Variants in R3HCC1L observed in about 807,000 individuals in gnomAD.
R3HCC1L encodes coiled-coil domain-containing protein R3HCC1L.
A neutral mutation model predicts 59.9 loss-of-function variants in R3HCC1L; 51 were observed. The observed-to-expected ratio is 0.85, with a 90% CI of 0.68 to 1.07. The LOEUF (loss-of-function observed/expected upper bound fraction) is 1.07, where lower values mean the gene tolerates loss of function less well. Ranked by LOEUF, R3HCC1L falls within the 50% of genes least tolerant of loss-of-function variation. The pLI, the probability that R3HCC1L is intolerant of heterozygous loss-of-function variation, is 0.00. For synonymous variants in R3HCC1L, 322 were observed against 315.2 expected (o/e 1.02, Z -0.23); for missense variants, 965 against 933.0 (o/e 1.03, Z -0.45).
chr10:98,191,319 T>G (rs1013209527), intron 4 of R3HCC1L, among the ~76,000 whole-genome samples: 1 of 152,164 alleles, frequency 6.6e-6, no homozygotes, highest in Admixed American at 6.5e-5. Flanking sequence ...GCATCTGTTG[T>G]TTTCTGACTT....
At chr10:98,186,415 G>A in intron 4 of R3HCC1L, 1 of 705,584 alleles carries the variant, frequency 1.4e-6, no homozygotes, top group Non-Finnish European at 1.7e-6. Flanking sequence ...GCTGTTCCAT[G>A]TAGAGAGACA....
At chr10:98,196,792 T>C (rs1851480656) in intron 4 of R3HCC1L, among the ~76,000 whole-genome samples, 1 of 152,168 alleles carries the variant, frequency 6.6e-6, no homozygotes, top group South Asian at 2.1e-4. Context: ...TTAGCAAAAG[T>C]AAGTCAGATC....
At chr10:98,184,759 G>A (rs1173566910) in intron 4 of R3HCC1L, among the ~76,000 whole-genome samples, 1 of 152,076 alleles carries the variant, frequency 6.6e-6, no homozygotes, top group African/African-American at 2.4e-5. Flanking sequence ...CAAGTATGGG[G>A]CTTTTTCAGA....
At chr10:98,219,475 G>T (rs1854616639) in intron 5 of R3HCC1L, among the ~76,000 whole-genome samples, 1 of 152,088 alleles carries the variant, frequency 6.6e-6, no homozygotes, top group Admixed American at 6.6e-5. Context: ...ACTTATTCCT[G>T]TCATTTTATT....
intron 5 of R3HCC1L, chr10:98,231,051 A>T (rs1355961363): frequency 2.4e-6 from 1 of 423,250 alleles, no homozygotes; most frequent in African/African-American, 2.1e-5. Flanking sequence ...GAAGTAAAAA[A>T]GTTTTTTTGA....
intron 5 of R3HCC1L, among the ~76,000 whole-genome samples, chr10:98,228,281 G>A (rs1855916892): frequency 6.6e-6 from 1 of 152,166 alleles, no homozygotes; most frequent in Non-Finnish European, 1.5e-5. Flanking sequence ...CATTCTAACT[G>A]GTGTGAGATG....
At chr10:98,227,553 G>A (rs1460570841) in intron 5 of R3HCC1L, among the ~76,000 whole-genome samples, 1 of 149,880 alleles carries the variant, frequency 6.7e-6, no homozygotes, top group African/African-American at 2.5e-5. Flanking sequence ...GGATCTGGTG[G>A]CTTTGGGTCA....
chr10:98,209,237 G>T lies in R3HCC1L; in HGVS notation c.1123G>T (p.Ala375Ser). The T allele has an allele frequency of 6.2e-7, 1 of 1,613,850 alleles. No individual in the cohort carries two copies. Among genetic ancestry groups the T allele is most frequent in the South Asian group, 1.1e-5 (1 of 91,074 alleles). ...FKNVGDITNK[A>S]CMMDTTGMSC... ...GAATGTAGGTGACATTACCAATAAA[G>T]CATGTATGATGGACACTACAGGTAT... The change falls in exon 5 of 10, where the codon GCA (alanine) becomes TCA (serine). Residue 375 changes from alanine (A) to serine (S), a missense_variant. Ala to Ser is a moderately conservative substitution (Grantham distance 99). Coordinates refer to ENST00000298999, the MANE Select transcript of R3HCC1L (RefSeq NM_001351015.2).
chr10:98,226,165 T>C (rs2135540121), intron 5 of R3HCC1L, among the ~76,000 whole-genome samples: 1 of 152,324 alleles, frequency 6.6e-6, no homozygotes, highest in Middle Eastern at 3.4e-3. Context: ...GATTTATATT[T>C]CTAAGATATT....
At chr10:98,186,310 C>T (rs1383246535) in intron 4 of R3HCC1L, among the ~76,000 whole-genome samples, 3 of 152,218 alleles carry the variant, frequency 2.0e-5, no homozygotes, top group East Asian at 1.9e-4. Context: ...TTGGTTCCTT[C>T]GGTTTTGATG....
At chr10:98,166,690 A>G (rs1167749641) in intron 4 of R3HCC1L, among the ~76,000 whole-genome samples, 1 of 152,120 alleles carries the variant, frequency 6.6e-6, no homozygotes, top group South Asian at 2.1e-4. Context: ...AATCTTTCCA[A>G]TTAGGTAGAG....
At chr10:98,213,309 A>C (rs989285564) in intron 5 of R3HCC1L, among the ~76,000 whole-genome samples, 1 of 152,190 alleles carries the variant, frequency 6.6e-6, no homozygotes. Context: ...TATCACTGCT[A>C]TGTTAAAGGC....
rs1285351112 is a variant in R3HCC1L at position 98,234,443 on chromosome 10, CAGAA to C, written c.1966_1969del (p.Lys656AspfsTer13). 8.1e-6 allele frequency: 13 copies of C among 1,611,516 alleles called. No individual in the cohort carries two copies. The highest frequency in any genetic ancestry group is 1.1e-5 in the Non-Finnish European group (13 of 1,179,008). On this transcript the variant is annotated splice_acceptor_variant and coding_sequence_variant, in exon 7 of 10. Transcript: ENST00000298999. LOFTEE classifies it high-confidence loss of function. ...GAAATAAAATTGTTTTTTTGTGTTG[CAGAA>C]AGAAAGGATTTGATATTAAATGGGT... is the stretch of plus-strand genomic sequence containing the variant.
At chr10:98,236,232 A>C (rs780854486) in intron 9 of R3HCC1L, 68 bp downstream of exon 9, 27 of 1,555,942 alleles carry the variant, frequency 1.7e-5, no homozygotes, top group African/African-American at 4.2e-5. Context: ...TGTTTAAAAA[A>C]AAATGAATGA....
chr10:98,159,384 T>G (rs142754092), intron 2 of R3HCC1L, among the ~76,000 whole-genome samples: 1 of 152,334 alleles, frequency 6.6e-6, no homozygotes, highest in East Asian at 1.9e-4. Flanking sequence ...TTTTTAAGTG[T>G]ATAGCTTAGT....
chr10:98,238,941 A>G (rs1486579443), intron 9 of R3HCC1L, among the ~76,000 whole-genome samples: 2 of 152,154 alleles, frequency 1.3e-5, no homozygotes, highest in Admixed American at 6.5e-5. Context: ...TCTGCATACT[A>G]TTTTGTTCTA....
At position 98,209,769 on chromosome 10, in the gene R3HCC1L, C is replaced by A. The variant is rs1853332904; in HGVS notation, c.1655C>A (p.Ser552Tyr). ...GVSFPDRESSSMETSIEPKAT... is the reference protein window; with the variant it reads ...GVSFPDRESSYMETSIEPKAT... Reference sequence around the variant, plus strand: ...TCTTTTCCTGATAGGGAATCATCATCTATGGAAACATCCATCGAACCAAAA... The same window carrying A: ...TCTTTTCCTGATAGGGAATCATCATATATGGAAACATCCATCGAACCAAAA... Residue 552 changes from serine to tyrosine, a missense_variant, in exon 5 of 10, where the codon TCT (serine) becomes TAT (tyrosine). Ser to Tyr is a moderately radical substitution (Grantham distance 144). Transcript: ENST00000298999. 1 of 1,613,730 alleles carries A rather than the reference C, an allele frequency of 6.2e-7. No individual in the cohort carries two copies. The highest frequency in any genetic ancestry group is 1.3e-5 in the African/African-American group (1 of 74,900).
In R3HCC1L at chr10:98,155,937, G is replaced by A. The variant is rs1224983418; in HGVS notation, c.-267-156G>A. On this transcript the variant is annotated intron_variant, in intron 1 of 9. Transcript: ENST00000298999. ...TTAAAATATTTGGTTAAGTCTAATA[G>A]TTAATGTTATATTTACATTACTATG... Among the ~76,000 whole-genome samples the A allele has an allele frequency of 2.6e-5, 4 of 151,734 alleles. No homozygotes were observed. The South Asian group carries it at 6.2e-4, about 24-fold the overall frequency.
intron 5 of R3HCC1L, among the ~76,000 whole-genome samples, chr10:98,224,004 T>A (rs1415242963): frequency 6.6e-6 from 1 of 151,594 alleles, no homozygotes; most frequent in Admixed American, 6.6e-5. Context: ...AGGTGGGGGG[T>A]TGTGGCGGGT....
Sources: allele counts gnomAD v4.1 joint callset (sites outside exome capture counted in the v4.1 genomes callset), GRCh38; gene constraint gnomAD v4.1.1; transcripts MANE v1.5; gene names NCBI Gene and HGNC (gene_info 2026-07-23, HGNC 2026-07-21).